Variants in PHF19 observed in about 807,000 individuals in gnomAD.
The protein encoded by PHF19 is PHD finger protein 19.
In PHF19, 21 loss-of-function variants were observed where a neutral mutation model predicts 79.8. The observed-to-expected ratio is 0.26, with a 90% confidence interval of 0.19 to 0.38. The LOEUF (loss-of-function observed/expected upper bound fraction) is 0.38, where lower values mean the gene tolerates loss of function less well. PHF19 is among the 10% of genes least tolerant of loss of function. The pLI, the probability that PHF19 is intolerant of heterozygous loss-of-function variation, is 1.00. For synonymous variants in PHF19, 273 were observed against 296.3 expected (o/e 0.92, Z 0.81); for missense variants, 445 against 744.2 (o/e 0.60, Z 4.68).
chr9:120,876,586 C>A (rs1253048856), intron 1 of PHF19, among the ~76,000 whole-genome samples: 1 of 151,728 alleles, frequency 6.6e-6, no homozygotes, highest in Non-Finnish European at 1.5e-5. Flanking sequence ...GCACCGGGAG[C>A]GCGGGGCCGG....
At chr9:120,877,290 C>A, upstream of PHF19, 1 of 956,502 alleles carries the variant, frequency 1.0e-6, no homozygotes, top group South Asian at 4.7e-5. Flanking sequence ...CCGGGGCGCT[C>A]AGGAAGGGGC....
In PHF19 at chr9:120,862,591, G is replaced by A. The variant is rs774477305; in HGVS notation, c.1127C>T (p.Pro376Leu). The change falls in exon 11 of 15, where the codon CCT becomes CTT. Residue 376 changes from proline to leucine, a missense_variant. Physicochemically the swap from Pro to Leu is moderately conservative, Grantham distance 98. This residue lies in a region of PHF19 where 83 missense variants were observed against 85.5 expected (regional missense o/e 0.97). Transcript: ENST00000373896. The surrounding 1 kb of genome is among the most constrained non-coding windows in gnomAD (Gnocchi z 4.6). ...SELRKRGKSKPGLLPHEFQQQ... is the reference protein window; with the variant it reads ...SELRKRGKSKLGLLPHEFQQQ... ...CCCTGGGTCCCCGAGCACTGACCCA[G>A]GCTTGCTCTTTCCTCTCTTACGCAG... 1 of 1,613,206 alleles carries A rather than the reference G, an allele frequency of 6.2e-7. No individual in the cohort carries two copies. The highest frequency in any genetic ancestry group is 1.7e-5 in the Admixed American group (1 of 60,028).
chr9:120,865,668 C>A, intron 9 of PHF19, 42 bp downstream of exon 9: 1 of 1,612,686 alleles, frequency 6.2e-7, no homozygotes, highest in East Asian at 2.2e-5. Flanking sequence ...CCTGGGCAAA[C>A]CTCTCTGCCT....
rs140392300 is a variant in PHF19, at chr9:120,882,633, G to A, written c.43-7877C>T. Among the ~76,000 whole-genome samples, 554 of 152,126 alleles carry A rather than the reference G, an allele frequency of 3.6e-3. 4 individuals are homozygous for A. Among genetic ancestry groups the A allele is most frequent in the African/African-American group, 0.013 (520 of 41,490 alleles). ...GAGGTGGGCGGATCACCTGAGGTCCGGAGTTCAAGACCAGCCTGGCCAACA... is the reference window on the plus strand; with the variant it reads ...GAGGTGGGCGGATCACCTGAGGTCCAGAGTTCAAGACCAGCCTGGCCAACA... On this transcript the variant is annotated intron_variant, in intron 1 of 14. Transcript: ENST00000616568.
intron 14 of PHF19, among the ~76,000 whole-genome samples, chr9:120,859,583 G>A: frequency 6.6e-6 from 1 of 152,152 alleles, no homozygotes; most frequent in Non-Finnish European, 1.5e-5. Flanking sequence ...AGGGATTTCT[G>A]TCCCCACTCC....
chr9:120,894,818 C>G (rs2046386146), exon 1 of PHF19: 1 of 1,230,402 alleles, frequency 8.1e-7, no homozygotes, highest in East Asian at 3.2e-5. Context: ...CACGGATTAC[C>G]AAGACCAGCA....
intron 1 of PHF19, among the ~76,000 whole-genome samples, chr9:120,888,779 C>G (rs1045351682): frequency 1.1e-4 from 16 of 152,238 alleles, no homozygotes; most frequent in Middle Eastern, 3.4e-3. Context: ...GGAATTCTGG[C>G]CAAGGGAAGG....
Position 120,869,968 on chromosome 9 carries a change from G to A in PHF19, c.365-23C>T, listed in dbSNP as rs1054021676. On this transcript the variant is annotated intron_variant, in intron 4 of 14. Transcript: ENST00000373896. The surrounding 1 kb of genome is among the most constrained non-coding windows in gnomAD (Gnocchi z 5.8). ...AACCTACGGCAGAGGAGGGGGCGGT[G>A]AGCGCCCACAAGGACATCGTGGCCC... The A allele has an allele frequency of 5.8e-6, 9 of 1,554,354 alleles. No homozygotes were observed. Among genetic ancestry groups the A allele is most frequent in the Non-Finnish European group, 7.8e-6 (9 of 1,149,322 alleles).
chr9:120,901,123 G>T, the PHF19 span, among the ~76,000 whole-genome samples: 1 of 152,194 alleles, frequency 6.6e-6, no homozygotes, highest in Non-Finnish European at 1.5e-5. Flanking sequence ...ATGAAGATAT[G>T]ATCTCATCGA....
chr9:120,866,754 T>C lies in PHF19; in HGVS notation c.710+116A>G, dbSNP rs546203960. The C allele has an allele frequency of 4.4e-6, 3 of 677,574 alleles. No homozygotes were observed. Among genetic ancestry groups the C allele is most frequent in the African/African-American group, 3.5e-5 (2 of 56,952 alleles). 42.0% of individuals were successfully genotyped at this position (677,574 alleles called of 1,614,324 possible). On this transcript the variant is annotated intron_variant, in intron 7 of 14. Transcript: ENST00000373896. The surrounding 1 kb of genome is among the most constrained non-coding windows in gnomAD (Gnocchi z 5.2). The stretch of plus-strand genomic sequence containing the variant: ...CCTCCAGTAAACAGGTAGGCATACA[T>C]TGTCACAGACCTCCTCTTGTCTGGA...
chr9:120,873,236 T>G (rs909112902), intron 3 of PHF19, among the ~76,000 whole-genome samples: 1 of 152,246 alleles, frequency 6.6e-6, no homozygotes, highest in African/African-American at 2.4e-5. Flanking sequence ...CAACTCTGAT[T>G]GACAGGCAGT....
At chr9:120,872,037 C>CAAAAAAAAAAAAAAAAAA (rs1170243737) in intron 3 of PHF19, among the ~76,000 whole-genome samples, 8 of 30,322 alleles carry the variant, frequency 2.6e-4, no homozygotes, top group African/African-American at 6.6e-4. Flanking sequence ...GACTCTGTCT[C>CAAAAAAAAAAAAAAAAAA]AAAAAAAAAA....
intron 3 of PHF19, among the ~76,000 whole-genome samples, chr9:120,871,925 C>A (rs1370185669): frequency 6.7e-6 from 1 of 149,256 alleles, no homozygotes; most frequent in Non-Finnish European, 1.5e-5. Flanking sequence ...GTAGTCCCAG[C>A]TACTCAGGAG....
intron 3 of PHF19, among the ~76,000 whole-genome samples, chr9:120,873,159 C>G (rs1162966229): frequency 6.6e-6 from 1 of 152,196 alleles, no homozygotes; most frequent in Non-Finnish European, 1.5e-5. Flanking sequence ...CTGCTTCTTA[C>G]CCTGCTAGGG....
At chr9:120,901,215 C>CAA in the PHF19 span, among the ~76,000 whole-genome samples, 9 of 151,576 alleles carry the variant, frequency 5.9e-5, no homozygotes, top group African/African-American at 2.2e-4. Flanking sequence ...TTGTTTGAGA[C>CAA]AGAGTCTCGC....
At chr9:120,902,605 A>T in the PHF19 span, 1 of 151,876 alleles carries the variant, frequency 6.6e-6, no homozygotes, top group Non-Finnish European at 1.5e-5. Flanking sequence ...TGCCACACAG[A>T]CCCTGCCCTC....
chr9:120,899,993 T>C, the PHF19 span, among the ~76,000 whole-genome samples: 1 of 152,236 alleles, frequency 6.6e-6, no homozygotes, highest in African/African-American at 2.4e-5. Flanking sequence ...CAACTGACTT[T>C]TCTTTTTTTT....
Position 120,869,747 on chromosome 9 carries a change from C to A in PHF19, c.465+98G>T. The A allele has an allele frequency of 6.3e-7, 1 of 1,583,570 alleles. No individual in the cohort carries two copies. The highest frequency in any genetic ancestry group is 2.3e-5 in the East Asian group (1 of 43,682). On this transcript the variant is annotated intron_variant, in intron 5 of 14. Coordinates refer to ENST00000373896, the MANE Select transcript of PHF19 (RefSeq NM_015651.3). The surrounding 1 kb of genome is among the most constrained non-coding windows in gnomAD (Gnocchi z 5.8). ...ATCTGTCTCCAAAGCCCAGGTGTGG[C>A]CCTTCTGCTTGGAGCTCAGACTCTG... is the stretch of plus-strand genomic sequence containing the variant.
upstream of PHF19, chr9:120,877,418 C>T (rs1338197665): frequency 1.7e-5 from 16 of 948,386 alleles, no homozygotes; most frequent in Non-Finnish European, 1.9e-5. Flanking sequence ...CGCCGGGCTC[C>T]GCAGCGCCGC....
Sources: gnomAD v4.1 joint callset for allele counts (sites outside exome capture counted in the v4.1 genomes callset) on GRCh38, gnomAD v4.1.1 for gene constraint, gnomAD v4.1.1 regional missense constraint, Gnocchi (gnomAD v3.1) non-coding constraint, MANE v1.5 for transcripts, NCBI Gene and HGNC (gene_info 2026-07-23, HGNC 2026-07-21) for gene names.